DOK6: variants seen among roughly 807,000 people sequenced by gnomAD.
DOK6 encodes the protein docking protein 6, also known as downstream of tyrosine kinase 6.
In DOK6, 22 loss-of-function variants were observed where a neutral mutation model predicts 44.0. That is an observed-to-expected ratio of 0.50 (90% CI 0.36 to 0.71). DOK6 has a LOEUF of 0.71. DOK6 is among the 30% of genes least tolerant of loss of function. DOK6 has a pLI of 0.00. For missense variants in DOK6, 340 were observed against 416.4 expected, an observed-to-expected ratio of 0.82 and a Z score of 1.60; for synonymous variants, 166 against 145.5, an observed-to-expected ratio of 1.14 and a Z score of -1.01.
At chr18:69,433,655 A>T (rs1978868301) in intron 1 of DOK6, among the ~76,000 whole-genome samples, 1 of 152,076 alleles carries the variant, frequency 6.6e-6, no homozygotes, top group Admixed American at 6.5e-5. Flanking sequence ...TGTCTGTGTC[A>T]TCTGTATATA....
chr18:69,478,737 C>T (rs1302123289), intron 1 of DOK6, among the ~76,000 whole-genome samples: 1 of 152,116 alleles, frequency 6.6e-6, no homozygotes, highest in African/African-American at 2.4e-5. Flanking sequence ...TAACATCTTC[C>T]ATTACCATGA....
At chr18:69,633,477 A>G (rs1486678413) in intron 3 of DOK6, among the ~76,000 whole-genome samples, 1 of 152,184 alleles carries the variant, frequency 6.6e-6, no homozygotes, top group Non-Finnish European at 1.5e-5. Flanking sequence ...GTTTCCATGT[A>G]TCTTCTTAGT....
chr18:69,813,604 T>C (rs1981308693), intron 7 of DOK6, among the ~76,000 whole-genome samples: 1 of 152,142 alleles, frequency 6.6e-6, no homozygotes, highest in Admixed American at 6.6e-5. Context: ...AGAGATTGCA[T>C]TTTTTTAATA....
chr18:69,719,549 A>G (rs528726482), intron 5 of DOK6, among the ~76,000 whole-genome samples: 6 of 152,328 alleles, frequency 3.9e-5, no homozygotes, highest in African/African-American at 1.4e-4. Context: ...GCTGGTTATC[A>G]CTTAACTATG....
chr18:69,841,491 G>A lies in DOK6; in HGVS notation c.*108G>A, dbSNP rs1982219697. 2 of 1,479,892 alleles carry A rather than the reference G, an allele frequency of 1.4e-6. No individual in the cohort carries two copies. Among genetic ancestry groups the A allele is most frequent in the Admixed American group, 2.1e-5 (1 of 48,326 alleles). 91.7% of individuals were successfully genotyped at this position (1,479,892 alleles called of 1,614,324 possible). A position where few individuals can be genotyped will look rare whatever the true frequency, so the allele number is the denominator to read the frequency against. ...CCAATTGCAGTACAAATTGAAATGG[G>A]TCGGCTCTAGCCCCAGTCCCATTGG... is the stretch of plus-strand genomic sequence containing the variant. On this transcript the variant is annotated 3_prime_UTR_variant, in exon 8 of 8. Transcript: ENST00000382713.
At chr18:69,638,192 C>G (rs1329174306) in intron 3 of DOK6, among the ~76,000 whole-genome samples, 2 of 152,200 alleles carry the variant, frequency 1.3e-5, no homozygotes, top group Non-Finnish European at 1.5e-5. Flanking sequence ...AGTGCGGAAG[C>G]AGTGATAGAC....
At chr18:69,685,546 A>G (rs1249916365) in intron 4 of DOK6, among the ~76,000 whole-genome samples, 1 of 152,206 alleles carries the variant, frequency 6.6e-6, no homozygotes, top group Non-Finnish European at 1.5e-5. Flanking sequence ...TCACATTCAC[A>G]TTGGGTGCAC....
chr18:69,836,488 GTT>G (rs56067551), intron 7 of DOK6, among the ~76,000 whole-genome samples: 1 of 148,566 alleles, frequency 6.7e-6, no homozygotes, highest in Non-Finnish European at 1.5e-5. Context: ...AATGTGATAT[GTT>G]TTTTTTTTCC....
intron 3 of DOK6, among the ~76,000 whole-genome samples, chr18:69,607,724 G>A (rs1002154061): frequency 1.1e-4 from 17 of 152,120 alleles, no homozygotes; most frequent in African/African-American, 4.1e-4. Flanking sequence ...GGAAAACTGT[G>A]TGCATAATCT....
chr18:69,533,781 A>T (rs1403214329), intron 1 of DOK6, among the ~76,000 whole-genome samples: 1 of 152,124 alleles, frequency 6.6e-6, no homozygotes, highest in Non-Finnish European at 1.5e-5. Context: ...TATAATTTCT[A>T]AATGATTTGG....
chr18:69,526,583 T>C (rs1012398596), intron 1 of DOK6, among the ~76,000 whole-genome samples: 2 of 152,186 alleles, frequency 1.3e-5, no homozygotes, highest in African/African-American at 4.8e-5. Context: ...GTACATATGT[T>C]TTCATTTCTC....
At chr18:69,665,802 A>AT (rs199783517) in intron 3 of DOK6, among the ~76,000 whole-genome samples, 2,595 of 145,842 alleles carry the variant, frequency 0.018, 143 homozygotes, top group East Asian at 0.12. Context: ...CACAGTTTTG[A>AT]TTTTTTTTTT....
At chr18:69,719,001 A>C (rs1226461335) in intron 5 of DOK6, among the ~76,000 whole-genome samples, 1 of 152,236 alleles carries the variant, frequency 6.6e-6, no homozygotes, top group East Asian at 1.9e-4. Flanking sequence ...ATGATCTTAG[A>C]AGAAGAATAG....
chr18:69,759,997 C>G (rs568518549), intron 7 of DOK6, among the ~76,000 whole-genome samples: 11 of 152,246 alleles, frequency 7.2e-5, no homozygotes, highest in African/African-American at 2.4e-4. Context: ...TTTTACCACC[C>G]TGTATACCCC....
In DOK6 at chr18:69,844,158, G is replaced by A. The variant is rs1982297488; in HGVS notation, c.*2775G>A. On this transcript the variant is annotated 3_prime_UTR_variant, in exon 8 of 8. Coordinates refer to ENST00000382713, the MANE Select transcript of DOK6 (RefSeq NM_152721.6). ...CTGGGGATGCCTCTACACTTTGTAA[G>A]TCATTTCTCCCTTCAAAAATTGTAT... 1 of 152,124 alleles carries A rather than the reference G, an allele frequency of 6.6e-6. No individual in the cohort carries two copies. The highest frequency in any genetic ancestry group is 1.5e-5 in the Non-Finnish European group (1 of 68,012). The allele number at this position is 152,124 out of a possible 1,614,324, so 9.4% of individuals were successfully genotyped here.
chr18:69,750,949 T>G (rs1979155952), intron 6 of DOK6, among the ~76,000 whole-genome samples: 1 of 152,082 alleles, frequency 6.6e-6, no homozygotes. Flanking sequence ...AAAACTGACA[T>G]TTGCAGCAAC....
rs183476898 is a variant in DOK6, at chr18:69,673,280, C to T, written c.290-4454C>T. On this transcript the variant is annotated intron_variant, in intron 3 of 7. Transcript: ENST00000382713. ...TTTTTCACTCTGTTTTCAAATGTAG[C>T]TCATTTTGGATCATTTAACTTTAAT... 2.0e-4 allele frequency among the ~76,000 whole-genome samples: 31 copies of T among 152,020 alleles called. No homozygotes were observed. The East Asian group carries it at 5.0e-3, about 25-fold the overall frequency.
chr18:69,712,159 T>TA (rs2144716062), intron 5 of DOK6, among the ~76,000 whole-genome samples: 1 of 147,726 alleles, frequency 6.8e-6, no homozygotes, highest in African/African-American at 2.5e-5. Flanking sequence ...CGGGCGCCTG[T>TA]AGTCCCAGCT....
In DOK6 at chr18:69,789,313, T is replaced by C. The variant is rs139800620; in HGVS notation, c.856+31440T>C. ...TTATGAGTAAACTAAATACCTTTTA[T>C]AGGACCTTTTACTCTTATTTCATTC... On this transcript the variant is annotated intron_variant, in intron 7 of 7. Coordinates refer to ENST00000382713, the MANE Select transcript of DOK6 (RefSeq NM_152721.6). Among the ~76,000 whole-genome samples, 502 of 152,278 alleles carry C rather than the reference T, an allele frequency of 3.3e-3. 3 individuals are homozygous for C. The highest frequency in any genetic ancestry group is 0.012 in the African/African-American group (486 of 41,566).
Sources: allele counts gnomAD v4.1 joint callset (sites outside exome capture counted in the v4.1 genomes callset), GRCh38; gene constraint gnomAD v4.1.1; transcripts MANE v1.5; gene names NCBI Gene and HGNC (gene_info 2026-07-23, HGNC 2026-07-21).